The following VDAC1 variants were observed in gnomAD, a reference collection of about 807,000 sequenced individuals.
VDAC1 encodes the protein non-selective voltage-gated ion channel VDAC1.
In VDAC1, 10 loss-of-function variants were observed where a neutral mutation model predicts 34.7. That is an observed-to-expected ratio of 0.29 (90% CI 0.18 to 0.49). The LOEUF (loss-of-function observed/expected upper bound fraction) is 0.49, where lower values mean the gene tolerates loss of function less well. VDAC1 is among the 20% of genes least tolerant of loss of function. The pLI is 0.99. For synonymous variants in VDAC1, 130 were observed against 136.0 expected, an observed-to-expected ratio of 0.96 and a Z score of 0.30; for missense variants, 230 against 347.9, an observed-to-expected ratio of 0.66 and a Z score of 2.69.
the VDAC1 span, among the ~76,000 whole-genome samples, chr5:134,101,613 G>C: frequency 2.6e-5 from 4 of 151,864 alleles, no homozygotes; most frequent in Non-Finnish European, 4.4e-5. Context: ...CACCGGCGTC[G>C]GCACAGGAGG....
chr5:134,079,172 TCTCA>T, the VDAC1 span, among the ~76,000 whole-genome samples: 1 of 151,688 alleles, frequency 6.6e-6, no homozygotes, highest in Admixed American at 6.6e-5. Context: ...AGAGTCCAGG[TCTCA>T]CTATGTTGCC....
chr5:134,026,028 C>A, the VDAC1 span, among the ~76,000 whole-genome samples: 7 of 152,140 alleles, frequency 4.6e-5, no homozygotes, highest in African/African-American at 1.7e-4. Flanking sequence ...GGAATCACCA[C>A]CAGTCTGGCC....
chr5:134,069,414 C>G, the VDAC1 span, among the ~76,000 whole-genome samples: 1 of 152,090 alleles, frequency 6.6e-6, no homozygotes, highest in South Asian at 2.1e-4. Context: ...GAAGGTGGAG[C>G]AGGGCAGGAG....
At chr5:134,068,898 C>A in the VDAC1 span, among the ~76,000 whole-genome samples, 2 of 151,580 alleles carry the variant, frequency 1.3e-5, no homozygotes, top group Non-Finnish European at 2.9e-5. Flanking sequence ...TTTTAAAAAT[C>A]TCTAAGCTGA....
At chr5:133,982,987 T>C (rs182582369) in intron 5 of VDAC1, among the ~76,000 whole-genome samples, 2 of 151,804 alleles carry the variant, frequency 1.3e-5, no homozygotes, top group East Asian at 1.9e-4. Flanking sequence ...CAGTGGCTCA[T>C]GCCTGTAATC....
chr5:134,075,384 C>T, the VDAC1 span, among the ~76,000 whole-genome samples: 1 of 152,222 alleles, frequency 6.6e-6, no homozygotes, highest in Non-Finnish European at 1.5e-5. Flanking sequence ...ATACTATCCA[C>T]ACACTAGTCA....
the VDAC1 span, among the ~76,000 whole-genome samples, chr5:134,055,023 AT>A: frequency 6.6e-6 from 1 of 152,172 alleles, no homozygotes; most frequent in Admixed American, 6.5e-5. Flanking sequence ...CCAGACATTG[AT>A]TGAGTCCCCT....
chr5:134,067,428 T>TTAAAA, the VDAC1 span, among the ~76,000 whole-genome samples: 2 of 96,826 alleles, frequency 2.1e-5, no homozygotes, highest in African/African-American at 8.1e-5. Context: ...TTACATATTC[T>TTAAAA]AAAAAAAAAA....
At chr5:134,108,002 G>A in the VDAC1 span, among the ~76,000 whole-genome samples, 3 of 152,316 alleles carry the variant, frequency 2.0e-5, no homozygotes, top group Non-Finnish European at 2.9e-5. Flanking sequence ...GTAGCAGAGG[G>A]ACAGGAGACT....
chr5:133,987,552 C>T (rs1752953571), intron 5 of VDAC1, among the ~76,000 whole-genome samples: 1 of 151,984 alleles, frequency 6.6e-6, no homozygotes, highest in Non-Finnish European at 1.5e-5. Flanking sequence ...GTGGCACACG[C>T]CTGTGGTCCC....
the VDAC1 span, among the ~76,000 whole-genome samples, chr5:134,017,644 T>C: frequency 1.5e-4 from 23 of 152,280 alleles, no homozygotes; most frequent in African/African-American, 3.6e-4. Context: ...CTGGGCATGG[T>C]GGCTCACGCT....
the VDAC1 span, among the ~76,000 whole-genome samples, chr5:134,106,014 G>A: frequency 6.6e-6 from 1 of 152,294 alleles, no homozygotes; most frequent in African/African-American, 2.4e-5. Flanking sequence ...ATGTGTTGTT[G>A]GTCAAAAGTG....
the VDAC1 span, among the ~76,000 whole-genome samples, chr5:134,068,411 CT>C: frequency 0.023 from 3,089 of 136,604 alleles, 72 homozygotes; most frequent in African/African-American, 0.059. Flanking sequence ...TTTCTCAGTG[CT>C]TTTTTTTTTT....
At chr5:134,062,637 CTTTG>C in the VDAC1 span, among the ~76,000 whole-genome samples, 5 of 151,152 alleles carry the variant, frequency 3.3e-5, no homozygotes, top group Non-Finnish European at 7.4e-5. Flanking sequence ...GTTTTTGTTT[CTTTG>C]TTTGCGATGG....
the VDAC1 span, among the ~76,000 whole-genome samples, chr5:134,038,568 G>C: frequency 6.6e-6 from 1 of 152,100 alleles, no homozygotes; most frequent in Non-Finnish European, 1.5e-5. Context: ...GTATGGGACA[G>C]CATGGGGCAG....
At chr5:134,113,969 A>G in the VDAC1 span, among the ~76,000 whole-genome samples, 2 of 152,034 alleles carry the variant, frequency 1.3e-5, no homozygotes, top group Non-Finnish European at 2.9e-5. Context: ...CCGAGTTGGG[A>G]GAGTCATAGG....
At chr5:133,997,853 C>G (rs1753388037) in intron 1 of VDAC1, among the ~76,000 whole-genome samples, 2 of 151,810 alleles carry the variant, frequency 1.3e-5, no homozygotes, top group Non-Finnish European at 2.9e-5. Flanking sequence ...CACCTGAGGT[C>G]AGGAGTTCGA....
the VDAC1 span, among the ~76,000 whole-genome samples, chr5:134,040,798 C>G: frequency 6.6e-6 from 1 of 152,132 alleles, no homozygotes; most frequent in African/African-American, 2.4e-5. Context: ...AAGAACAACC[C>G]AGGCTATCCA....
chr5:134,033,720 C>T, the VDAC1 span, among the ~76,000 whole-genome samples: 8 of 150,320 alleles, frequency 5.3e-5, no homozygotes, highest in African/African-American at 1.5e-4. Context: ...AGGCCGGGTG[C>T]GATGGCTCAC....
Sources: allele counts gnomAD v4.1 joint callset (sites outside exome capture counted in the v4.1 genomes callset), GRCh38; gene constraint gnomAD v4.1.1; transcripts MANE v1.5; gene names NCBI Gene and HGNC (gene_info 2026-07-23, HGNC 2026-07-21).